Variants in EZH1 observed in about 807,000 individuals in gnomAD.
EZH1 encodes the protein histone-lysine N-methyltransferase EZH1.
In EZH1, 33 loss-of-function variants were observed where a neutral mutation model predicts 100.5. The ratio of observed to expected loss-of-function variants is 0.33; its 90% CI spans 0.25 to 0.44. The LOEUF is 0.44. EZH1 is among the 20% of genes least tolerant of loss of function. The probability of loss-of-function intolerance (pLI) is 1.00; values close to 1 mark genes in which losing one functional copy is unlikely to be tolerated. For missense variants in EZH1, 475 were observed against 928.4 expected, an observed-to-expected ratio of 0.51 and a Z score of 6.35; for synonymous variants, 272 against 313.8, an observed-to-expected ratio of 0.87 and a Z score of 1.41.
chr17:42,712,298 C>A lies in EZH1; in HGVS notation c.1392G>T (p.Thr464=), dbSNP rs1250988421. 4 of 1,613,572 alleles carry A rather than the reference C, an allele frequency of 2.5e-6. No individual in the cohort carries two copies. Among genetic ancestry groups the A allele is most frequent in the Non-Finnish European group, 3.4e-6 (4 of 1,179,948 alleles). ...CSIARLLGTK[T]CKQVFQFAVK... ...TGCTTCCAGATGGTACCTGCTTGCA[C>A]GTCTTGGTCCCCAGAAGCCTGGCTA... The change falls in exon 12 of 21, where the codon ACG becomes ACT. Residue 464 remains threonine, a synonymous_variant. Coordinates refer to ENST00000428826, the MANE Select transcript of EZH1 (RefSeq NM_001991.5).
Position 42,718,167 on chromosome 17 carries a change from G to T in EZH1, c.932-100C>A. On this transcript the variant is annotated intron_variant, in intron 9 of 20. Coordinates refer to ENST00000428826, the MANE Select transcript of EZH1 (RefSeq NM_001991.5). This position sits in a 1 kb window ranked among gnomAD's most constrained non-coding sequence, Gnocchi z 4.2. ...AGAGCTATTGTAGGAGTTAGAATTC[G>T]ATATAAACGGCTACCATCAGGGTGC... The T allele has an allele frequency of 2.8e-6, 3 of 1,088,630 alleles. No homozygotes were observed. The highest frequency in any genetic ancestry group is 2.8e-5 in the South Asian group (2 of 71,994). 67.4% of individuals were successfully genotyped at this position (1,088,630 alleles called of 1,614,324 possible). A position where few individuals can be genotyped will look rare whatever the true frequency, so the allele number is the denominator to read the frequency against.
At chr17:42,740,930 G>A in intron 1 of EZH1, among the ~76,000 whole-genome samples, 1 of 152,220 alleles carries the variant, frequency 6.6e-6, no homozygotes, top group Non-Finnish European at 1.5e-5. Flanking sequence ...ATGATTGACT[G>A]ATAGACTAAG....
rs748173627 is a variant in EZH1, at chr17:42,706,020, C to T, written c.1826G>A (p.Arg609His). The change falls in exon 16 of 21, where the codon CGT becomes CAT. Residue 609 changes from arginine to histidine, a missense_variant. Coordinates refer to ENST00000428826, the MANE Select transcript of EZH1 (RefSeq NM_001991.5). This position sits in a 1 kb window ranked among gnomAD's most constrained non-coding sequence, Gnocchi z 4.4. Reference protein sequence around the residue: ...VVSCKNCSIQRGLKKHLLLAP... With the variant: ...VVSCKNCSIQHGLKKHLLLAP... Reference sequence around the variant, plus strand: ...GAAAGGCCTCACCTTCTTAAGTCCACGCTGGATGCTGCAGTTTTTACAGGA... The same window carrying T: ...GAAAGGCCTCACCTTCTTAAGTCCATGCTGGATGCTGCAGTTTTTACAGGA... 10 of 1,612,796 alleles carry T rather than the reference C, an allele frequency of 6.2e-6. No homozygotes were observed. Among genetic ancestry groups the T allele is most frequent in the South Asian group, 1.1e-5 (1 of 90,866 alleles).
intron 14 of EZH1, among the ~76,000 whole-genome samples, chr17:42,708,442 G>C (rs1221899020): frequency 6.6e-6 from 1 of 152,166 alleles, no homozygotes; most frequent in Non-Finnish European, 1.5e-5. Context: ...ATCATTTGAG[G>C]TCAGGAGTTC....
intron 10 of EZH1, among the ~76,000 whole-genome samples, chr17:42,715,090 T>A (rs1051110471): frequency 1.4e-5 from 2 of 140,382 alleles, no homozygotes; most frequent in Admixed American, 1.5e-4. Flanking sequence ...ATTTATATAT[T>A]ATAGATTATA....
At chr17:42,707,810 G>T in intron 15 of EZH1, 148 bp downstream of exon 15, 2 of 942,788 alleles carry the variant, frequency 2.1e-6, no homozygotes, top group Non-Finnish European at 3.2e-6. Flanking sequence ...CAGATCTCAT[G>T]CACTTATTTC....
intron 15 of EZH1, 53 bp downstream of exon 15, chr17:42,707,905 C>T: frequency 6.2e-7 from 1 of 1,610,640 alleles, no homozygotes; most frequent in Non-Finnish European, 8.5e-7. Flanking sequence ...AAGCCTAGGG[C>T]ACACTGGAGC....
chr17:42,722,341 T>C (rs1200091478), intron 6 of EZH1, among the ~76,000 whole-genome samples: 2 of 147,168 alleles, frequency 1.4e-5, no homozygotes, highest in East Asian at 4.1e-4. Flanking sequence ...AAAAAAAAAT[T>C]GGGCTAGGCA....
Position 42,708,008 on chromosome 17 carries a change from CA to C in EZH1, c.1609del (p.Cys537AlafsTer3). 1 of 1,612,240 alleles carries C rather than the reference CA, an allele frequency of 6.2e-7. No homozygotes were observed. Among genetic ancestry groups the C allele is most frequent in the Non-Finnish European group, 8.5e-7 (1 of 1,179,626 alleles). On this transcript the variant is annotated frameshift_variant, in exon 15 of 21. Coordinates refer to ENST00000428826, the MANE Select transcript of EZH1 (RefSeq NM_001991.5). LOFTEE classifies it high-confidence loss of function. ...CTCACAGAAATTCTGAGTCATGATGCAGGGGCAGGTGCTGTCACAGGGGCGG... is the reference window on the plus strand; with the variant it reads ...CTCACAGAAATTCTGAGTCATGATGCGGGGCAGGTGCTGTCACAGGGGCGG... ...PDRPCDSTCP[C>X]IMTQNFCEKF... is the part of the protein sequence containing the mutation.
chr17:42,726,704 G>A (rs1233523806), intron 4 of EZH1, among the ~76,000 whole-genome samples: 3 of 151,728 alleles, frequency 2.0e-5, no homozygotes, highest in African/African-American at 7.3e-5. Context: ...AGTAGAGATG[G>A]GGTTTCACCA....
intron 1 of EZH1, among the ~76,000 whole-genome samples, chr17:42,738,755 A>ACTTTT: frequency 1.1e-5 from 1 of 91,178 alleles, no homozygotes; most frequent in South Asian, 3.3e-4. Context: ...CCTGGCCTAG[A>ACTTTT]TTTTTTTTTT....
chr17:42,726,335 G>A (rs1239746500), intron 4 of EZH1, among the ~76,000 whole-genome samples: 2 of 151,280 alleles, frequency 1.3e-5, no homozygotes, highest in Non-Finnish European at 2.9e-5. Flanking sequence ...GAGTAGCTGG[G>A]ATTATAGGCA....
rs764549561 is a variant in EZH1 at position 42,705,157 on chromosome 17, C to T, written c.1866G>A (p.Val622=). Reference sequence around the variant, plus strand: ...CCTTTATGAAGGTGCCCCATCCGGCCACATCAGAGGGGGCCAGCAGCAGGT... The same window carrying T: ...CCTTTATGAAGGTGCCCCATCCGGCTACATCAGAGGGGGCCAGCAGCAGGT... ...KKHLLLAPSD[V]AGWGTFIKES... is the part of the protein sequence containing the mutation. The change falls in exon 17 of 21, where the codon GTG becomes GTA. Residue 622 remains valine (V), a synonymous_variant. Transcript: ENST00000428826. 6.2e-7 allele frequency: 1 copy of T among 1,613,034 alleles called. No homozygotes were observed.
chr17:42,710,837 G>T, intron 12 of EZH1, among the ~76,000 whole-genome samples: 1 of 133,544 alleles, frequency 7.5e-6, no homozygotes. Flanking sequence ...TGCCCACACT[G>T]GTCCTGAAAT....
chr17:42,738,926 T>G (rs1304192111), intron 1 of EZH1, among the ~76,000 whole-genome samples: 1 of 151,490 alleles, frequency 6.6e-6, no homozygotes. Context: ...CCGGGTTAAT[T>G]TCTGTATTTT....
At chr17:42,731,507 A>C (rs1375526738) in intron 1 of EZH1, among the ~76,000 whole-genome samples, 1 of 152,146 alleles carries the variant, frequency 6.6e-6, no homozygotes, top group Non-Finnish European at 1.5e-5. Context: ...ACATGTAAAA[A>C]TTCAATAAAA....
intron 6 of EZH1, among the ~76,000 whole-genome samples, chr17:42,720,815 C>A (rs2053691874): frequency 6.6e-6 from 1 of 152,078 alleles, no homozygotes; most frequent in African/African-American, 2.4e-5. Flanking sequence ...GTGCCACCAC[C>A]CTGGCTAATT....
intron 15 of EZH1, 116 bp downstream of exon 15, chr17:42,707,842 C>A (rs538954622): frequency 7.7e-7 from 1 of 1,290,950 alleles, no homozygotes; most frequent in Admixed American, 2.0e-5. Flanking sequence ...CCCTAAAACA[C>A]AGCAAAGGGG....
chr17:42,720,723 G>A (rs1318818983), intron 6 of EZH1, among the ~76,000 whole-genome samples: 3 of 152,004 alleles, frequency 2.0e-5, no homozygotes, highest in African/African-American at 4.8e-5. Flanking sequence ...GCAATGGCGC[G>A]ATCTTGGCTC....
Sources: allele counts gnomAD v4.1 joint callset (sites outside exome capture counted in the v4.1 genomes callset), GRCh38; gene constraint gnomAD v4.1.1; non-coding constraint Gnocchi (gnomAD v3.1); transcripts MANE v1.5; gene names NCBI Gene and HGNC (gene_info 2026-07-23, HGNC 2026-07-21).